Variants in QTMAN observed in about 807,000 individuals in gnomAD.
QTMAN encodes the protein tRNA-queuosine alpha-mannosyltransferase.
chr2:144,088,617 A>G, the QTMAN span, among the ~76,000 whole-genome samples: 3 of 152,114 alleles, frequency 2.0e-5, no homozygotes, highest in Non-Finnish European at 4.4e-5. Context: ...TGGTATAAAA[A>G]TTGGCATATA....
chr2:144,002,988 T>G, the QTMAN span, among the ~76,000 whole-genome samples: 1 of 152,110 alleles, frequency 6.6e-6, no homozygotes, highest in East Asian at 1.9e-4. Flanking sequence ...CATTATAGAT[T>G]TTTTAAAATG....
chr2:144,039,490 G>C, the QTMAN span, among the ~76,000 whole-genome samples: 13 of 152,010 alleles, frequency 8.6e-5, no homozygotes, highest in Non-Finnish European at 1.2e-4. Flanking sequence ...CCCCTTGAAA[G>C]GATAAAAACA....
chr2:144,048,152 G>T, the QTMAN span, among the ~76,000 whole-genome samples: 1 of 152,238 alleles, frequency 6.6e-6, no homozygotes, highest in South Asian at 2.1e-4. Context: ...GACCCAGGGT[G>T]GGGGTGGTCA....
At chr2:144,307,346 T>TA in the QTMAN span, among the ~76,000 whole-genome samples, 1 of 152,026 alleles carries the variant, frequency 6.6e-6, no homozygotes, top group African/African-American at 2.4e-5. Context: ...GCAAAAAACT[T>TA]AGAGCTAATA....
At chr2:144,134,071 GA>G in the QTMAN span, among the ~76,000 whole-genome samples, 1 of 152,132 alleles carries the variant, frequency 6.6e-6, no homozygotes, top group African/African-American at 2.4e-5. Flanking sequence ...CTTGATGGCA[GA>G]AAACAAAAAG....
At chr2:144,147,263 TAA>T in the QTMAN span, among the ~76,000 whole-genome samples, 1 of 145,388 alleles carries the variant, frequency 6.9e-6, no homozygotes, top group African/African-American at 2.5e-5. Context: ...TCTTTAAGGT[TAA>T]AAAAAAAAAA....
chr2:144,109,860 A>G, the QTMAN span, among the ~76,000 whole-genome samples: 12 of 152,248 alleles, frequency 7.9e-5, no homozygotes, highest in Admixed American at 4.6e-4. Flanking sequence ...CACACCAGTT[A>G]GAATGGTGAT....
At chr2:144,010,672 T>C in the QTMAN span, among the ~76,000 whole-genome samples, 188 of 152,044 alleles carry the variant, frequency 1.2e-3, no homozygotes, top group Non-Finnish European at 2.0e-3. Flanking sequence ...ACTGTATATG[T>C]TTGAAAATTA....
chr2:143,952,830 A>G, the QTMAN span: 1 of 1,605,744 alleles, frequency 6.2e-7, no homozygotes, highest in South Asian at 1.1e-5. Flanking sequence ...CACCCACAGT[A>G]CACAGCTTCC....
At chr2:144,235,184 C>G in the QTMAN span, among the ~76,000 whole-genome samples, 1,866 of 152,072 alleles carry the variant, frequency 0.012, 12 homozygotes, top group Non-Finnish European at 0.021. Flanking sequence ...CTTAGTTCAA[C>G]AAGGAATATG....
At chr2:144,123,932 A>G in the QTMAN span, among the ~76,000 whole-genome samples, 1 of 152,188 alleles carries the variant, frequency 6.6e-6, no homozygotes, top group Non-Finnish European at 1.5e-5. Flanking sequence ...AGTAATTTAC[A>G]GATTACTTTA....
chr2:144,259,603 C>T, the QTMAN span, among the ~76,000 whole-genome samples: 49 of 152,200 alleles, frequency 3.2e-4, no homozygotes, highest in African/African-American at 1.2e-3. Context: ...AAATAATCCG[C>T]CAATCTTTTA....
the QTMAN span, among the ~76,000 whole-genome samples, chr2:144,274,349 A>C: frequency 6.6e-6 from 1 of 152,152 alleles, no homozygotes; most frequent in African/African-American, 2.4e-5. Context: ...TTCCTGTGTG[A>C]TAGGAGCATC....
chr2:143,942,597 C>G, the QTMAN span: 2 of 167,090 alleles, frequency 1.2e-5, no homozygotes, highest in Non-Finnish European at 2.9e-5. Flanking sequence ...TTTCCTTACC[C>G]TTCAGAAGGG....
chr2:144,292,927 A>G, the QTMAN span, among the ~76,000 whole-genome samples: 1 of 152,186 alleles, frequency 6.6e-6, no homozygotes, highest in East Asian at 1.9e-4. Flanking sequence ...ACACTCAAAC[A>G]TAACAAATGA....
chr2:144,169,295 ATTTG>A, the QTMAN span, among the ~76,000 whole-genome samples: 15 of 152,264 alleles, frequency 9.9e-5, no homozygotes, highest in African/African-American at 2.6e-4. Flanking sequence ...ATCAGAGACA[ATTTG>A]TTTATTTTCT....
the QTMAN span, among the ~76,000 whole-genome samples, chr2:144,202,766 G>A: frequency 1.5e-3 from 231 of 152,268 alleles, no homozygotes; most frequent in Admixed American, 2.9e-3. Context: ...TATCCTAGAG[G>A]TCTTTAAAGC....
chr2:144,142,194 A>G, the QTMAN span: 1 of 530,776 alleles, frequency 1.9e-6, no homozygotes, highest in South Asian at 3.4e-5. Flanking sequence ...TCATATCAGT[A>G]TCTACCAAAA....
At chr2:143,940,160 T>C in the QTMAN span, 3 of 152,350 alleles carry the variant, frequency 2.0e-5, no homozygotes, top group East Asian at 5.8e-4. Flanking sequence ...GCAAAGCCTT[T>C]TTACTTGGCA....
Sources: allele counts gnomAD v4.1 joint callset (sites outside exome capture counted in the v4.1 genomes callset), GRCh38; gene constraint gnomAD v4.1.1; transcripts MANE v1.5; gene names NCBI Gene and HGNC (gene_info 2026-07-23, HGNC 2026-07-21).